The following KIF19 variants were observed in gnomAD, a reference collection of about 807,000 sequenced individuals.
KIF19 encodes the protein kinesin-like protein KIF19.
Under a neutral mutation model 106.6 loss-of-function variants are expected in KIF19, and 98 were observed. That is an observed-to-expected ratio of 0.92 (90% CI 0.78 to 1.09). The LOEUF is 1.09. KIF19 is among the 50% of genes least tolerant of loss of function. KIF19 has a pLI of 0.00. For missense variants in KIF19, 1,373 were observed against 1,414.3 expected (o/e 0.97, Z 0.47); for synonymous variants, 516 against 584.2 (o/e 0.88, Z 1.68).
At chr17:74,351,495 AG>A (rs1194400842) in intron 12 of KIF19, 1 of 197,644 alleles carries the variant, frequency 5.1e-6, no homozygotes, top group Non-Finnish European at 1.0e-5. Context: ...GTCTCAAAAA[AG>A]AAAAATAATA....
In KIF19 at chr17:74,355,204, G is replaced by A. The variant is rs1161743440; in HGVS notation, c.2889G>A (p.Leu963=). The change falls in exon 20 of 20, where the codon CTG becomes CTA. Residue 963 remains leucine, a synonymous_variant. Coordinates refer to ENST00000389916, the MANE Select transcript of KIF19 (RefSeq NM_153209.4). ...CAGGCCCGGGGGACTCCTCACCCCT[G>A]GCTGTTCCCCCCAACCCAGGTGGTG... ...QNTGPGDSSP[L]AVPPNPGGGS... The A allele has an allele frequency of 6.2e-7, 1 of 1,609,436 alleles. No homozygotes were observed.
At chr17:74,332,019 G>A (rs555964168) in intron 2 of KIF19, among the ~76,000 whole-genome samples, 3 of 152,250 alleles carry the variant, frequency 2.0e-5, no homozygotes, top group South Asian at 2.1e-4. Flanking sequence ...CACAGTGCCT[G>A]GCATGTGTCT....
At chr17:74,330,325 T>C (rs1017319701) in intron 2 of KIF19, among the ~76,000 whole-genome samples, 8 of 152,170 alleles carry the variant, frequency 5.3e-5, no homozygotes, top group Non-Finnish European at 1.2e-4. Flanking sequence ...GATGCCTTCT[T>C]TAGAGGGTCT....
chr17:74,344,657 A>G (rs1158648828), intron 6 of KIF19, 104 bp from the exon 7 acceptor site: 7 of 1,248,750 alleles, frequency 5.6e-6, no homozygotes, highest in East Asian at 4.9e-5. Flanking sequence ...CCCTTTCCCA[A>G]CTGCTCAGAC....
In KIF19 at chr17:74,352,010, C is replaced by G. The variant is rs748110827; in HGVS notation, c.1731C>G (p.Thr577=). ...TGCACGAGCTCGAGGTGGAGAACAC[C>G]GAGATGCAGTCGCACGCGCTGCTCC... ...CRVHELEVEN[T]EMQSHALLRD... The change falls in exon 13 of 20, where the codon ACC becomes ACG. Residue 577 remains threonine (T), a synonymous_variant. Coordinates refer to ENST00000389916, the MANE Select transcript of KIF19 (RefSeq NM_153209.4). The G allele has an allele frequency of 6.4e-6, 10 of 1,554,176 alleles. No homozygotes were observed. The highest frequency in any genetic ancestry group is 2.6e-6 in the Non-Finnish European group (3 of 1,158,340).
intron 2 of KIF19, among the ~76,000 whole-genome samples, chr17:74,337,720 C>G (rs574144075): frequency 1.3e-5 from 2 of 152,232 alleles, no homozygotes; most frequent in Non-Finnish European, 2.9e-5. Context: ...GGTCGGAAGG[C>G]AGGAAACCTG....
chr17:74,344,688 C>T (rs2054481364), intron 6 of KIF19, 73 bp from the exon 7 acceptor site: 2 of 1,467,996 alleles, frequency 1.4e-6, no homozygotes, highest in South Asian at 1.3e-5. Flanking sequence ...CCCTGCTAGC[C>T]CCCTCAGGGG....
At chr17:74,344,038 G>GC (rs968238320) in intron 5 of KIF19, among the ~76,000 whole-genome samples, 185 bp from the exon 6 acceptor site, 2 of 152,162 alleles carry the variant, frequency 1.3e-5, no homozygotes, top group African/African-American at 4.8e-5. Flanking sequence ...GGATGCTGAA[G>GC]CCCCTGACCC....
In KIF19 at chr17:74,349,221, C is replaced by T. The variant is rs776502617; in HGVS notation, c.1085C>T (p.Ala362Val). ...CTCCTGAACGTCTCCTACCACATCG[C>T]CCAGTACACCAGCATCATCGCTGAC... ...QNLLNVSYHI[A>V]QYTSIIADLR... is the part of the protein sequence containing the mutation. Residue 362 changes from alanine to valine, a missense_variant, in exon 10 of 20, where the codon GCC becomes GTC. By Grantham distance (64) the Ala-to-Val change is moderately conservative. This residue lies in a region of KIF19 where 1,020 missense variants were observed against 1,008.2 expected (regional missense o/e 1.01). Transcript: ENST00000389916. 9.3e-6 allele frequency: 15 copies of T among 1,613,846 alleles called. No individual in the cohort carries two copies. The highest frequency in any genetic ancestry group is 1.3e-5 in the Non-Finnish European group (15 of 1,179,864).
In KIF19 at chr17:74,354,239, G is replaced by T. The variant is rs755166194; in HGVS notation, c.2386G>T (p.Glu796Ter). 6.2e-7 allele frequency: 1 copy of T among 1,608,590 alleles called. No individual in the cohort carries two copies. The highest frequency in any genetic ancestry group is 1.3e-5 in the African/African-American group (1 of 75,048). Residue 796 changes from glutamate (E) to a stop codon, truncating the protein, a stop_gained, in exon 18 of 20, where the codon GAG becomes TAG. Coordinates refer to ENST00000389916, the MANE Select transcript of KIF19 (RefSeq NM_153209.4). LOFTEE classifies it high-confidence loss of function. ...ARRRSRALGT[E>*]GRHLLAPATE... is the part of the protein sequence containing the mutation. ...GCGGCGCTCGCGGGCCCTGGGAACC[G>T]AGGGGCGACACCTGCTGGCACCCGC... is the stretch of plus-strand genomic sequence containing the variant.
chr17:74,337,291 AG>A (rs1435638486), intron 2 of KIF19, among the ~76,000 whole-genome samples: 1 of 136,122 alleles, frequency 7.3e-6, no homozygotes, highest in African/African-American at 2.7e-5. Flanking sequence ...AGGGAGGCTC[AG>A]AGGATGTACA....
At chr17:74,339,339 T>G (rs1189301125) in intron 2 of KIF19, among the ~76,000 whole-genome samples, 1 of 151,772 alleles carries the variant, frequency 6.6e-6, no homozygotes, top group East Asian at 1.9e-4. Flanking sequence ...TGCCTCAACT[T>G]CCCCATCTGA....
rs1360133484 is a variant in KIF19 at position 74,346,099 on chromosome 17, C to A, written c.778-279C>A. On this transcript the variant is annotated intron_variant, in intron 7 of 19. Transcript: ENST00000389916. This position sits in a 1 kb window ranked among gnomAD's most constrained non-coding sequence, Gnocchi z 4.6. ...AAAGCAACCTCCCTCCCATCTCATC[C>A]ATGGCACTGTGTGTCAGGCCGTGCC... is the stretch of plus-strand genomic sequence containing the variant. 6.6e-6 allele frequency among the ~76,000 whole-genome samples: 1 copy of A among 152,252 alleles called. No homozygotes were observed. Among genetic ancestry groups the A allele is most frequent in the East Asian group, 1.9e-4 (1 of 5,198 alleles).
chr17:74,338,028 G>C (rs1306888216), intron 2 of KIF19, among the ~76,000 whole-genome samples: 8 of 152,254 alleles, frequency 5.3e-5, no homozygotes, highest in Admixed American at 5.2e-4. Context: ...CAGGAGCCTG[G>C]TTAGCTAAAG....
intron 10 of KIF19, among the ~76,000 whole-genome samples, chr17:74,349,957 C>T (rs1426389999): frequency 2.6e-5 from 4 of 152,102 alleles, no homozygotes; most frequent in Non-Finnish European, 4.4e-5. Context: ...CGCCACCACA[C>T]CTGGCTAATT....
rs2054063302 is a variant in KIF19, at chr17:74,331,024, A to G, written c.120+2519A>G. ...ATAACTGCCAGGCTGGGACCCTTCT[A>G]GTAACAAACACTGTCCCTCTGACAA... On this transcript the variant is annotated intron_variant, in intron 2 of 19. Coordinates refer to ENST00000389916, the MANE Select transcript of KIF19 (RefSeq NM_153209.4). This position sits in a 1 kb window ranked among gnomAD's most constrained non-coding sequence, Gnocchi z 4.1. Among the ~76,000 whole-genome samples, 1 of 152,178 alleles carries G rather than the reference A, an allele frequency of 6.6e-6. No individual in the cohort carries two copies. Among genetic ancestry groups the G allele is most frequent in the South Asian group, 2.1e-4 (1 of 4,818 alleles).
intron 18 of KIF19, 97 bp from the exon 19 acceptor site, chr17:74,354,685 C>A (rs1303269668): frequency 2.0e-6 from 3 of 1,519,412 alleles, no homozygotes; most frequent in Admixed American, 4.0e-5. Flanking sequence ...CCACCCTCCA[C>A]AGTCTCTGTC....
At chr17:74,354,598 A>C in intron 18 of KIF19, 39 bp downstream of exon 18, 1 of 1,562,586 alleles carries the variant, frequency 6.4e-7, no homozygotes, top group South Asian at 1.2e-5. Context: ...AGGCACTCCC[A>C]TAGCAGCTGG....
chr17:74,342,925 C>T, intron 4 of KIF19, 99 bp from the exon 5 acceptor site: 1 of 1,414,772 alleles, frequency 7.1e-7, no homozygotes, highest in South Asian at 1.4e-5. Context: ...TCTGAGAGGG[C>T]CCAGCCTTGA....
Sources: gnomAD v4.1 joint callset for allele counts (sites outside exome capture counted in the v4.1 genomes callset) on GRCh38, gnomAD v4.1.1 for gene constraint, gnomAD v4.1.1 regional missense constraint, Gnocchi (gnomAD v3.1) non-coding constraint, MANE v1.5 for transcripts, NCBI Gene and HGNC (gene_info 2026-07-23, HGNC 2026-07-21) for gene names.